DPP10: variants seen among roughly 807,000 people sequenced by gnomAD.
DPP10 encodes inactive dipeptidyl peptidase 10.
In DPP10, 33 loss-of-function variants were observed where a neutral mutation model predicts 120.9. The ratio of observed to expected loss-of-function variants is 0.27; its 90% confidence interval spans 0.21 to 0.37. The LOEUF (loss-of-function observed/expected upper bound fraction) is 0.37. DPP10 is among the 10% of genes least tolerant of loss of function. The probability of loss-of-function intolerance (pLI) is 1.00; values close to 1 mark genes in which losing one functional copy is unlikely to be tolerated. For missense variants in DPP10, 816 were observed against 942.8 expected (o/e 0.87, Z 1.76); for synonymous variants, 337 against 326.1 (o/e 1.03, Z -0.36).
chr2:114,936,421 G>A (rs1178564932), intron 1 of DPP10, among the ~76,000 whole-genome samples: 1 of 150,400 alleles, frequency 6.6e-6, no homozygotes, highest in African/African-American at 2.5e-5. Context: ...ACATATATAT[G>A]TGCGTATATA....
intron 1 of DPP10, among the ~76,000 whole-genome samples, chr2:115,017,782 C>G (rs186691879): frequency 6.2e-4 from 94 of 151,460 alleles, no homozygotes; most frequent in Non-Finnish European, 1.1e-3. Flanking sequence ...CATGTTCTCA[C>G]TCATAGCTGG....
intron 1 of DPP10, among the ~76,000 whole-genome samples, chr2:115,015,177 G>A (rs571827521): frequency 6.6e-6 from 1 of 152,234 alleles, no homozygotes; most frequent in South Asian, 2.1e-4. Flanking sequence ...TGCATCCCTG[G>A]GATGCAAGGC....
intron 25 of DPP10, 105 bp from the exon 26 acceptor site, chr2:115,842,106 G>T (rs1024084826): frequency 1.1e-5 from 13 of 1,213,242 alleles, no homozygotes; most frequent in Middle Eastern, 4.1e-4. Context: ...ATTTTGGTCA[G>T]ATATTATTAC....
At chr2:115,717,653 A>G (rs997180691) in intron 7 of DPP10, among the ~76,000 whole-genome samples, 1 of 152,168 alleles carries the variant, frequency 6.6e-6, no homozygotes, top group African/African-American at 2.4e-5. Context: ...GAAAGTTGGA[A>G]TTTCAGGACT....
intron 7 of DPP10, among the ~76,000 whole-genome samples, chr2:115,723,979 G>A (rs1183803973): frequency 6.6e-6 from 1 of 152,108 alleles, no homozygotes; most frequent in East Asian, 1.9e-4. Context: ...ACTCAAATCA[G>A]TGAAGGCAGA....
chr2:114,559,303 G>A (rs1688565521), intron 1 of DPP10, among the ~76,000 whole-genome samples: 1 of 152,198 alleles, frequency 6.6e-6, no homozygotes, highest in Non-Finnish European at 1.5e-5. Context: ...GTCAGAACCT[G>A]AGAAGAGGCA....
chr2:115,366,705 G>T (rs187843257), intron 3 of DPP10, among the ~76,000 whole-genome samples: 2 of 151,988 alleles, frequency 1.3e-5, no homozygotes, highest in African/African-American at 4.8e-5. Context: ...GACTTTGCTG[G>T]GTCTTCCAAG....
chr2:114,984,342 G>A (rs964116119), intron 1 of DPP10, among the ~76,000 whole-genome samples: 17 of 151,980 alleles, frequency 1.1e-4, no homozygotes, highest in African/African-American at 3.1e-4. Context: ...GCAAATTCGC[G>A]ACTGCCGCCT....
chr2:114,834,385 A>G (rs180718204), intron 1 of DPP10, among the ~76,000 whole-genome samples: 1 of 143,478 alleles, frequency 7.0e-6, no homozygotes, highest in African/African-American at 2.9e-5. Flanking sequence ...ACATATCTAC[A>G]CACCTATGTA....
intron 5 of DPP10, among the ~76,000 whole-genome samples, chr2:115,612,794 A>C (rs2084209353): frequency 1.3e-5 from 2 of 152,184 alleles, no homozygotes; most frequent in Admixed American, 1.3e-4. Flanking sequence ...AAATTACATA[A>C]AATTATGAAA....
chr2:114,480,167 C>T (rs1680894035), intron 1 of DPP10, among the ~76,000 whole-genome samples: 1 of 151,768 alleles, frequency 6.6e-6, no homozygotes, highest in Admixed American at 6.6e-5. Context: ...TACCATCTCA[C>T]ACCAGTTAGA....
chr2:114,994,389 C>A (rs1052839459), intron 1 of DPP10, among the ~76,000 whole-genome samples: 4 of 152,160 alleles, frequency 2.6e-5, no homozygotes, highest in African/African-American at 9.7e-5. Flanking sequence ...AAATGATCGT[C>A]ATCAGGAGTG....
chr2:114,828,013 T>C (rs911609027), intron 1 of DPP10, among the ~76,000 whole-genome samples: 2 of 149,672 alleles, frequency 1.3e-5, no homozygotes, highest in African/African-American at 2.6e-5. Flanking sequence ...AAAAACAGCA[T>C]TTATTTATTT....
chr2:115,269,679 G>T (rs2059608189), intron 1 of DPP10, among the ~76,000 whole-genome samples: 1 of 152,172 alleles, frequency 6.6e-6, no homozygotes, highest in African/African-American at 2.4e-5. Flanking sequence ...TGTCAAGATA[G>T]AAGCCACAGT....
intron 19 of DPP10, among the ~76,000 whole-genome samples, chr2:115,805,575 A>G (rs866176065): frequency 2.2e-5 from 3 of 134,294 alleles, no homozygotes; most frequent in Admixed American, 7.5e-5. Context: ...CTTGGCTCCC[A>G]TTTTTTTTTT....
intron 11 of DPP10, among the ~76,000 whole-genome samples, chr2:115,760,258 G>A (rs1434793474): frequency 6.6e-6 from 1 of 152,014 alleles, no homozygotes; most frequent in Non-Finnish European, 1.5e-5. Context: ...ATACTGATAC[G>A]CTCAACAATA....
chr2:115,525,135 CTATT>C (rs2078049875), intron 4 of DPP10, among the ~76,000 whole-genome samples: 1 of 152,050 alleles, frequency 6.6e-6, no homozygotes, highest in Non-Finnish European at 1.5e-5. Context: ...AAATTTTATA[CTATT>C]TATTTTGTGT....
chr2:114,858,212 A>T lies in DPP10; in HGVS notation c.60+415374A>T, dbSNP rs534161408. ...ACCGTGTTGCCCAGGCTGGTCTCGA[A>T]CCCCTTAGCTCAGGCAATCTGCCAC... On this transcript the variant is annotated intron_variant, in intron 1 of 25. Coordinates refer to ENST00000410059, the MANE Select transcript of DPP10 (RefSeq NM_020868.6). Among the ~76,000 whole-genome samples, 25 of 152,198 alleles carry T rather than the reference A, an allele frequency of 1.6e-4. No individual in the cohort carries two copies. In the South Asian group the frequency reaches 4.4e-3, roughly 27 times the overall value.
At chr2:115,314,192 G>C (rs543416032) in intron 2 of DPP10, among the ~76,000 whole-genome samples, 2 of 152,334 alleles carry the variant, frequency 1.3e-5, no homozygotes, top group East Asian at 3.9e-4. Flanking sequence ...ATACAGGATA[G>C]TCATCAGGCT....
Sources: gnomAD v4.1 joint callset for allele counts (sites outside exome capture counted in the v4.1 genomes callset) on GRCh38, gnomAD v4.1.1 for gene constraint, MANE v1.5 for transcripts, NCBI Gene and HGNC (gene_info 2026-07-23, HGNC 2026-07-21) for gene names.